PGM2L1: variants seen among roughly 807,000 people sequenced by gnomAD.
PGM2L1 encodes the protein phosphoglucomutase 2 like 1.
A neutral mutation model predicts 73.4 loss-of-function variants in PGM2L1; 35 were observed. The ratio of observed to expected loss-of-function variants is 0.48; its 90% confidence interval spans 0.36 to 0.63. The LOEUF (loss-of-function observed/expected upper bound fraction) is 0.63, where lower values mean the gene tolerates loss of function less well. PGM2L1 is among the 30% of genes least tolerant of loss of function. PGM2L1 has a pLI of 0.00. For synonymous variants in PGM2L1, 225 were observed against 253.8 expected, an observed-to-expected ratio of 0.89 and a Z score of 1.08; for missense variants, 570 against 742.0, an observed-to-expected ratio of 0.77 and a Z score of 2.69.
At chr11:74,397,987 G>T in intron 1 of PGM2L1, 64 bp downstream of exon 1, 2 of 1,480,670 alleles carry the variant, frequency 1.4e-6, no homozygotes, top group Admixed American at 4.5e-5. Flanking sequence ...CGCTGGGTGG[G>T]CACAGGAAAG....
chr11:74,372,567 A>G (rs1161913116), intron 2 of PGM2L1, among the ~76,000 whole-genome samples: 1 of 152,230 alleles, frequency 6.6e-6, no homozygotes, highest in Non-Finnish European at 1.5e-5. Context: ...AGTTCTACAT[A>G]AAAGATGGGA....
At chr11:74,388,310 T>C (rs1414871537) in intron 1 of PGM2L1, among the ~76,000 whole-genome samples, 2 of 137,400 alleles carry the variant, frequency 1.5e-5, no homozygotes, top group Non-Finnish European at 3.1e-5. Context: ...TCATGCTAAG[T>C]GTTCTTAATA....
intron 5 of PGM2L1, among the ~76,000 whole-genome samples, chr11:74,367,845 G>C (rs966474244): frequency 6.6e-6 from 1 of 152,108 alleles, no homozygotes; most frequent in African/African-American, 2.4e-5. Flanking sequence ...TCACTTAGCT[G>C]ACCAGGGCCA....
At chr11:74,337,629 A>T (rs1220095974) in intron 13 of PGM2L1, among the ~76,000 whole-genome samples, 1 of 152,230 alleles carries the variant, frequency 6.6e-6, no homozygotes, top group Admixed American at 6.5e-5. Context: ...GTCACAATTC[A>T]TCCTCTTAAA....
chr11:74,346,308 A>C (rs1410181916), intron 8 of PGM2L1, among the ~76,000 whole-genome samples: 1 of 150,440 alleles, frequency 6.6e-6, no homozygotes, highest in Non-Finnish European at 1.5e-5. Context: ...CAAACAAACA[A>C]AAAAAAAGGT....
At chr11:74,395,531 A>C (rs1169487800) in intron 1 of PGM2L1, among the ~76,000 whole-genome samples, 1 of 140,336 alleles carries the variant, frequency 7.1e-6, no homozygotes, top group Admixed American at 7.1e-5. Flanking sequence ...GACTACAGGC[A>C]CGTGACACCT....
intron 5 of PGM2L1, chr11:74,355,068 G>A (rs1404136249): frequency 2.4e-6 from 3 of 1,273,972 alleles, no homozygotes; most frequent in Non-Finnish European, 3.4e-6. Flanking sequence ...TGGTCGTGGA[G>A]GTGGTTTTGG....
chr11:74,336,653 T>A lies in PGM2L1; in HGVS notation c.1868A>T (p.Ter623LeuextTer7), dbSNP rs768863647. ...GTGTCATGACATATTGGTGTACCCC[T>A]AAACAGAACGCCAGATCAGTCCATT... ...SKNGLIWRSV* is the reference protein window; with the variant it reads ...SKNGLIWRSVL Residue 623 changes from the stop codon to leucine, a stop_lost, in exon 14 of 14, where the codon TAG (stop) becomes TTG (leucine). Transcript: ENST00000298198. 6.2e-7 allele frequency: 1 copy of A among 1,600,108 alleles called. No individual in the cohort carries two copies.
intron 5 of PGM2L1, chr11:74,355,411 G>A (rs556023308): frequency 1.3e-4 from 70 of 530,228 alleles, no homozygotes; most frequent in South Asian, 2.5e-4. Context: ...AAAATTAGCC[G>A]GGCGTGGTAG....
intron 1 of PGM2L1, among the ~76,000 whole-genome samples, chr11:74,376,446 AGT>A (rs1269702800): frequency 1.3e-5 from 2 of 151,352 alleles, no homozygotes; most frequent in Non-Finnish European, 1.5e-5. Context: ...TAACAAGTAT[AGT>A]GTGTGTGTAT....
In PGM2L1 at chr11:74,347,187, G is replaced by A. The variant is rs528860090; in HGVS notation, c.900C>T (p.Thr300=). The stretch of plus-strand genomic sequence containing the variant: ...CTTCTTCAGGATTTGGACATTTAAC[G>A]GTAGAAAAGTCTGGATCAGGATCTT... ...EQKDPDPDFS[T]VKCPNPEEGE... The change falls in exon 7 of 14, where the codon ACC becomes ACT. Residue 300 remains threonine (T), a synonymous_variant. Transcript: ENST00000298198. 1.9e-5 allele frequency: 30 copies of A among 1,601,284 alleles called. No individual in the cohort carries two copies. In the African/African-American group the frequency reaches 1.9e-4, roughly 10 times the overall value.
chr11:74,343,931 C>G (rs1862223647), intron 9 of PGM2L1, among the ~76,000 whole-genome samples: 1 of 151,772 alleles, frequency 6.6e-6, no homozygotes, highest in Admixed American at 6.6e-5. Context: ...GGTGTGCCAC[C>G]ACGCCCAGCT....
intron 5 of PGM2L1, 49 bp downstream of exon 5, chr11:74,368,442 TA>T: frequency 1.4e-6 from 2 of 1,463,718 alleles, no homozygotes; most frequent in Non-Finnish European, 1.9e-6. Context: ...ATTATTTGAA[TA>T]AAAAAGATGA....
chr11:74,371,150 AT>A (rs1862746024), intron 3 of PGM2L1, among the ~76,000 whole-genome samples, 164 bp from the exon 4 acceptor site: 1 of 152,204 alleles, frequency 6.6e-6, no homozygotes, highest in Admixed American at 6.5e-5. Context: ...TAATTGGAAA[AT>A]TTTAAATAAA....
intron 5 of PGM2L1, among the ~76,000 whole-genome samples, chr11:74,360,171 A>G (rs1862533810): frequency 6.6e-6 from 1 of 152,046 alleles, no homozygotes; most frequent in Non-Finnish European, 1.5e-5. Context: ...TTGAAGCTGC[A>G]GTGAGCTGTG....
rs1862023887 is a variant in PGM2L1 at position 74,332,093 on chromosome 11, A to G, written c.*4559T>C. 1 of 152,228 alleles carries G rather than the reference A, an allele frequency of 6.6e-6. No homozygotes were observed. The highest frequency in any genetic ancestry group is 1.5e-5 in the Non-Finnish European group (1 of 68,040). 9.4% of individuals were successfully genotyped at this position (152,228 alleles called of 1,614,324 possible). ...TTCATGCTGTGCAAGGAGTCAGACA[A>G]TGAGCAATTCTCATCTTACTATTTA... On this transcript the variant is annotated 3_prime_UTR_variant, in exon 14 of 14. Coordinates refer to ENST00000298198, the MANE Select transcript of PGM2L1 (RefSeq NM_173582.6).
In PGM2L1 at chr11:74,334,268, G is replaced by A. The variant is rs1012821609; in HGVS notation, c.*2384C>T. On this transcript the variant is annotated 3_prime_UTR_variant, in exon 14 of 14. Coordinates refer to ENST00000298198, the MANE Select transcript of PGM2L1 (RefSeq NM_173582.6). ...TGGCTTTAGTAACTATGAATGAGCC[G>A]TTGATTCATTTTAGCTTCATTTTTG... 1 of 152,124 alleles carries A rather than the reference G, an allele frequency of 6.6e-6. No individual in the cohort carries two copies. Among genetic ancestry groups the A allele is most frequent in the Non-Finnish European group, 1.5e-5 (1 of 68,022 alleles). 9.4% of individuals were successfully genotyped at this position (152,124 alleles called of 1,614,324 possible).
intron 4 of PGM2L1, 107 bp from the exon 5 acceptor site, chr11:74,368,682 T>C (rs1321723918): frequency 7.9e-6 from 6 of 763,806 alleles, no homozygotes; most frequent in Non-Finnish European, 1.1e-5. Context: ...TAGTATGATA[T>C]TGCTTTTGTT....
At chr11:74,355,800 T>A in intron 5 of PGM2L1, 1 of 455,092 alleles carries the variant, frequency 2.2e-6, no homozygotes, top group Non-Finnish European at 4.4e-6. Flanking sequence ...TTACAACAGA[T>A]CTGTGAACTC....
Sources: gnomAD v4.1 joint callset for allele counts (sites outside exome capture counted in the v4.1 genomes callset) on GRCh38, gnomAD v4.1.1 for gene constraint, MANE v1.5 for transcripts, NCBI Gene and HGNC (gene_info 2026-07-23, HGNC 2026-07-21) for gene names.